The following PDE3B variants were observed in gnomAD, a reference collection of about 807,000 sequenced individuals.
PDE3B encodes cGMP-inhibited 3',5'-cyclic phosphodiesterase 3B.
Under a neutral mutation model 116.8 loss-of-function variants are expected in PDE3B, and 66 were observed. That is an observed-to-expected ratio of 0.56 (90% CI 0.46 to 0.69). PDE3B has a LOEUF of 0.69. Among genes scored for constraint, PDE3B ranks in the 30% least tolerant of loss-of-function variants. The pLI, the probability that PDE3B is intolerant of heterozygous loss-of-function variation, is 0.00. For synonymous variants in PDE3B, 595 were observed against 533.6 expected, an observed-to-expected ratio of 1.12 and a Z score of -1.59; for missense variants, 1,384 against 1,368.1, an observed-to-expected ratio of 1.01 and a Z score of -0.18.
At chr11:14,854,848 A>C (rs1386291955) in intron 12 of PDE3B, among the ~76,000 whole-genome samples, 1 of 152,186 alleles carries the variant, frequency 6.6e-6, no homozygotes, top group Non-Finnish European at 1.5e-5. Context: ...CAGAAAACCA[A>C]GGATCATCAG....
the PDE3B span, chr11:14,880,552 A>G: frequency 6.2e-7 from 1 of 1,613,512 alleles, no homozygotes; most frequent in Non-Finnish European, 8.5e-7. Flanking sequence ...TTCTCCAAAA[A>G]TGATCAGATT....
At chr11:14,813,573 A>G (rs901982041) in intron 5 of PDE3B, among the ~76,000 whole-genome samples, 1 of 152,174 alleles carries the variant, frequency 6.6e-6, no homozygotes, top group Non-Finnish European at 1.5e-5. Context: ...ATCCAGGATA[A>G]TCTCCCCATC....
At position 14,789,219 on chromosome 11, in the gene PDE3B, T is replaced by A; in HGVS notation, c.1392T>A (p.Pro464=). The A allele has an allele frequency of 6.2e-7, 1 of 1,605,464 alleles. No homozygotes were observed. Among genetic ancestry groups the A allele is most frequent in the Non-Finnish European group, 8.5e-7 (1 of 1,176,094 alleles). The part of the protein sequence containing the change: ...SRWDRNNGKR[P]HQEFGISSQG... Reference sequence around the variant, plus strand: ...GGGATCGTAATAATGGCAAAAGACCTCACCAAGAATTTGGCATTTCAAGGT... The same window carrying A: ...GGGATCGTAATAATGGCAAAAGACCACACCAAGAATTTGGCATTTCAAGGT... The change falls in exon 4 of 16, where the codon CCT becomes CCA. Residue 464 remains proline, a synonymous_variant. Transcript: ENST00000282096.
the PDE3B span, chr11:14,892,282 T>A: frequency 7.1e-7 from 1 of 1,407,950 alleles, no homozygotes; most frequent in African/African-American, 1.4e-5. Flanking sequence ...ATACTCCCAT[T>A]GGCAGGATAC....
At chr11:14,648,449 C>G (rs938223014) in intron 1 of PDE3B, among the ~76,000 whole-genome samples, 1 of 151,734 alleles carries the variant, frequency 6.6e-6, no homozygotes, top group East Asian at 1.9e-4. Flanking sequence ...AGGCATAATT[C>G]CCTGTTAATT....
At chr11:14,733,606 A>G (rs1856519832) in intron 1 of PDE3B, among the ~76,000 whole-genome samples, 1 of 152,192 alleles carries the variant, frequency 6.6e-6, no homozygotes. Context: ...TCCTACTTTA[A>G]CATTTGTTTT....
At chr11:14,651,531 T>C (rs1005421578) in intron 1 of PDE3B, among the ~76,000 whole-genome samples, 4 of 152,248 alleles carry the variant, frequency 2.6e-5, no homozygotes, top group Non-Finnish European at 5.9e-5. Flanking sequence ...TTTATATTTT[T>C]GCTATCAGTG....
the PDE3B span, chr11:14,879,382 G>C: frequency 4.3e-6 from 7 of 1,609,598 alleles, no homozygotes; most frequent in Admixed American, 1.0e-4. Context: ...TTTTGCATTT[G>C]TCGTCCCAAG....
intron 15 of PDE3B, among the ~76,000 whole-genome samples, chr11:14,868,309 C>A (rs1848084760): frequency 6.6e-6 from 1 of 152,186 alleles, no homozygotes; most frequent in Admixed American, 6.5e-5. Flanking sequence ...CATGGCAAGT[C>A]CTCCTTCATG....
At chr11:14,732,999 C>T (rs1372740125) in intron 1 of PDE3B, among the ~76,000 whole-genome samples, 1 of 152,170 alleles carries the variant, frequency 6.6e-6, no homozygotes, top group African/African-American at 2.4e-5. Context: ...TTAAGACACA[C>T]TTAAATTCCT....
chr11:14,652,610 A>G (rs1853600645), intron 1 of PDE3B, among the ~76,000 whole-genome samples: 1 of 152,202 alleles, frequency 6.6e-6, no homozygotes, highest in African/African-American at 2.4e-5. Context: ...TGTTAAGTAT[A>G]TTCACATTGT....
At chr11:14,664,752 C>T (rs936089570) in intron 1 of PDE3B, among the ~76,000 whole-genome samples, 111 of 152,200 alleles carry the variant, frequency 7.3e-4, no homozygotes, top group Non-Finnish European at 1.3e-3. Context: ...CAATAACAGG[C>T]TCTGAAATTG....
the PDE3B span, among the ~76,000 whole-genome samples, chr11:14,884,559 A>T: frequency 6.6e-6 from 1 of 150,620 alleles, no homozygotes; most frequent in Non-Finnish European, 1.5e-5. Context: ...GAGGGATAGC[A>T]TTAGGAGATA....
chr11:14,830,684 A>AT lies in PDE3B; in HGVS notation c.1808-13dup. 7.5e-7 allele frequency: 1 copy of AT among 1,331,884 alleles called. No individual in the cohort carries two copies. Among genetic ancestry groups the AT allele is most frequent in the Non-Finnish European group, 1.0e-6 (1 of 984,652 alleles). 82.5% of individuals were successfully genotyped at this position (1,331,884 alleles called of 1,614,324 possible). A position where few individuals can be genotyped will look rare whatever the true frequency, so the allele number is the denominator to read the frequency against. Reference sequence around the variant, plus strand: ...ATTTTACTCCTATATATTACTATATATATTTTTTGAAAGGTGAAGAAGAAA... The same window carrying AT: ...ATTTTACTCCTATATATTACTATATATTATTTTTTGAAAGGTGAAGAAGAAA... On this transcript the variant is annotated splice_polypyrimidine_tract_variant and intron_variant, in intron 7 of 15. Transcript: ENST00000282096.
chr11:14,663,875 A>C (rs540698929), intron 1 of PDE3B, among the ~76,000 whole-genome samples: 1 of 152,364 alleles, frequency 6.6e-6, no homozygotes, highest in African/African-American at 2.4e-5. Context: ...AAAGTTAACA[A>C]GGATACCCAG....
At chr11:14,764,634 T>A (rs1473891337) in intron 1 of PDE3B, among the ~76,000 whole-genome samples, 6 of 152,102 alleles carry the variant, frequency 3.9e-5, no homozygotes, top group Non-Finnish European at 8.8e-5. Flanking sequence ...CGTCACTTAC[T>A]AATCATGAGA....
rs758816714 is a variant in PDE3B at position 14,789,065 on chromosome 11, T to TA, written c.1279-38dup. On this transcript the variant is annotated intron_variant, in intron 3 of 15. Coordinates refer to ENST00000282096, the MANE Select transcript of PDE3B (RefSeq NM_000922.4). Reference sequence around the variant, plus strand: ...CACTAATATTACATATATAGCATATTAAAGAGTGACATTTTAAACCATTGT... The same window carrying TA: ...CACTAATATTACATATATAGCATATTAAAAGAGTGACATTTTAAACCATTGT... The TA allele has an allele frequency of 2.0e-6, 3 of 1,494,490 alleles. No homozygotes were observed. The South Asian group carries it at 3.6e-5, about 18-fold the overall frequency. 92.6% of individuals were successfully genotyped at this position (1,494,490 alleles called of 1,614,324 possible). A position where few individuals can be genotyped will look rare whatever the true frequency, so the allele number is the denominator to read the frequency against.
the PDE3B span, chr11:14,880,392 T>G: frequency 4.0e-5 from 64 of 1,613,336 alleles, no homozygotes; most frequent in Non-Finnish European, 5.0e-5. Flanking sequence ...CAGCTGCATT[T>G]CTAAACAGCT....
chr11:14,705,807 T>C (rs1228095211), intron 1 of PDE3B, among the ~76,000 whole-genome samples: 1 of 151,802 alleles, frequency 6.6e-6, no homozygotes, highest in Non-Finnish European at 1.5e-5. Context: ...AAATAAAATA[T>C]TTTAACCTTT....
Sources: gnomAD v4.1 joint callset for allele counts (sites outside exome capture counted in the v4.1 genomes callset) on GRCh38, gnomAD v4.1.1 for gene constraint, MANE v1.5 for transcripts, NCBI Gene and HGNC (gene_info 2026-07-23, HGNC 2026-07-21) for gene names.